Variants in DAZAP2 observed in about 807,000 individuals in gnomAD.
DAZAP2 encodes the protein DAZ associated protein 2.
In DAZAP2, 3 loss-of-function variants were observed where a neutral mutation model predicts 16.2. The observed-to-expected ratio is 0.19, with a 90% confidence interval of 0.08 to 0.48. DAZAP2 has a LOEUF of 0.48. DAZAP2 is among the 20% of genes least tolerant of loss of function. DAZAP2 has a pLI of 0.98. For synonymous variants in DAZAP2, 69 were observed against 77.6 expected (o/e 0.89, Z 0.58); for missense variants, 172 against 215.9 (o/e 0.80, Z 1.27).
rs1021057804 is a variant in DAZAP2, at chr12:51,238,834, A to C, written c.-74A>C. On this transcript the variant is annotated 5_prime_UTR_variant, in exon 1 of 4. Transcript: ENST00000412716. ...CGGACGGACCATCATGTGACACGGA[A>C]GTAGCTCCGAACAGGAAGAGGACGA... 3 of 1,609,912 alleles carry C rather than the reference A, an allele frequency of 1.9e-6. No individual in the cohort carries two copies. The highest frequency in any genetic ancestry group is 2.5e-6 in the Non-Finnish European group (3 of 1,178,924).
rs765575401 is a variant in DAZAP2, at chr12:51,240,347, A to G, written c.18A>G (p.Gln6=). The G allele has an allele frequency of 3.4e-5, 55 of 1,613,492 alleles. No individual in the cohort carries two copies. The highest frequency in any genetic ancestry group is 4.4e-5 in the Non-Finnish European group (52 of 1,179,668). Residue 6 remains glutamine, a synonymous_variant, in exon 2 of 4, where the codon CAA becomes CAG. Coordinates refer to ENST00000412716, the MANE Select transcript of DAZAP2 (RefSeq NM_014764.4). The stretch of plus-strand genomic sequence containing the variant: ...CATTTTTTTCTTGTCTTTCAGGTCA[A>G]TATCCAACACAGCCAACCTACCCTG... The part of the protein sequence containing the change: MNSKG[Q]YPTQPTYPVQ...
In DAZAP2 at chr12:51,242,599, A is replaced by G. The variant is rs1944697468; in HGVS notation, c.*141A>G. 6.3e-7 allele frequency: 1 copy of G among 1,593,814 alleles called. No homozygotes were observed. The highest frequency in any genetic ancestry group is 8.5e-7 in the Non-Finnish European group (1 of 1,169,920). ...GTGTCTTTCTGGTGCCCAAACTTTC[A>G]GGCACTTTTCAAATTTAATAAGGAA... On this transcript the variant is annotated 3_prime_UTR_variant, in exon 4 of 4. Coordinates refer to ENST00000412716, the MANE Select transcript of DAZAP2 (RefSeq NM_014764.4).
downstream of DAZAP2, chr12:51,246,622 G>GTGTA: frequency 5.2e-6 from 3 of 574,418 alleles, no homozygotes; most frequent in South Asian, 2.6e-5. Context: ...GTGTGTGTGT[G>GTGTA]TGTGTGTGTG....
In DAZAP2 at chr12:51,243,115, C is replaced by A; in HGVS notation, c.*657C>A. On this transcript the variant is annotated 3_prime_UTR_variant, in exon 4 of 4. Coordinates refer to ENST00000412716, the MANE Select transcript of DAZAP2 (RefSeq NM_014764.4). ...TGAAACCCTCTCTGTGCCCCAAGTA[C>A]AGATGCCATTACTTCTGCTTTCGTA... 1.0e-6 allele frequency: 1 copy of A among 987,360 alleles called. No homozygotes were observed. Among genetic ancestry groups the A allele is most frequent in the Non-Finnish European group, 1.2e-6 (1 of 831,194 alleles). 61.2% of individuals were successfully genotyped at this position (987,360 alleles called of 1,614,324 possible). A position where few individuals can be genotyped will look rare whatever the true frequency, so the allele number is the denominator to read the frequency against.
chr12:51,241,765 A>G (rs1944681831), intron 3 of DAZAP2, among the ~76,000 whole-genome samples: 1 of 152,060 alleles, frequency 6.6e-6, no homozygotes, highest in Non-Finnish European at 1.5e-5. Context: ...TACTATAAAT[A>G]CAAAAATTAG....
At chr12:51,240,510 G>A (rs776631303) in intron 2 of DAZAP2, 49 bp downstream of exon 2, 2 of 1,452,782 alleles carry the variant, frequency 1.4e-6, no homozygotes, top group Non-Finnish European at 1.9e-6. Flanking sequence ...CTCTTAGGGT[G>A]GTCCTTTAGT....
chr12:51,244,026 T>TTA (rs1944730610), downstream of DAZAP2: 9 of 609,196 alleles, frequency 1.5e-5, no homozygotes, highest in South Asian at 5.8e-4. Context: ...GGACCTAAAC[T>TTA]TAGAAATGAG....
At chr12:51,244,122 C>A (rs1944732230), downstream of DAZAP2, among the ~76,000 whole-genome samples, 1 of 152,190 alleles carries the variant, frequency 6.6e-6, no homozygotes, top group South Asian at 2.1e-4. Context: ...TGAGGATGAC[C>A]TTTAGTTTCT....
At chr12:51,246,502 C>A, downstream of DAZAP2, 1 of 446,584 alleles carries the variant, frequency 2.2e-6, no homozygotes, top group Non-Finnish European at 4.0e-6. Flanking sequence ...TCCCTACCCA[C>A]GTACTCAAGT....
chr12:51,246,181 G>A (rs775820631), downstream of DAZAP2: 4 of 1,582,112 alleles, frequency 2.5e-6, no homozygotes, highest in African/African-American at 4.1e-5. Flanking sequence ...AGTAGTTCCT[G>A]GAGTCATCTG....
At chr12:51,241,451 C>T (rs777178535) in intron 3 of DAZAP2, among the ~76,000 whole-genome samples, 1 of 152,148 alleles carries the variant, frequency 6.6e-6, no homozygotes, top group Non-Finnish European at 1.5e-5. Context: ...TTGCCATCAG[C>T]ATGGTGTTGC....
rs369900029 is a variant in DAZAP2, at chr12:51,241,046, C to T, written c.308C>T (p.Thr103Ile). The change falls in exon 3 of 4, where the codon ACA becomes ATA. Residue 103 changes from threonine to isoleucine, a missense_variant. Transcript: ENST00000412716. ...GGTCCCATCTATCCACCTGGCTCCA[C>T]AGTGCTGGTGGAAGGAGGGTATGAT... Reference protein sequence around the residue: ...PVGPIYPPGSTVLVEGGYDAG... With the variant: ...PVGPIYPPGSIVLVEGGYDAG... 2 of 1,614,188 alleles carry T rather than the reference C, an allele frequency of 1.2e-6. No homozygotes were observed. Among genetic ancestry groups the T allele is most frequent in the Non-Finnish European group, 1.7e-6 (2 of 1,180,032 alleles).
rs141475852 is a variant in DAZAP2, at chr12:51,240,214, G to A, written c.14-129G>A. On this transcript the variant is annotated intron_variant, in intron 1 of 3. Transcript: ENST00000412716. Reference sequence around the variant, plus strand: ...CATATTTTCTTAGTTCCAGGAATCAGGCCCTCTGGGGCAGACTATTTGCAA... The same window carrying A: ...CATATTTTCTTAGTTCCAGGAATCAAGCCCTCTGGGGCAGACTATTTGCAA... The A allele has an allele frequency of 5.3e-4, 379 of 720,804 alleles. 2 individuals are homozygous for A. In the African/African-American group the frequency reaches 6.1e-3, roughly 12 times the overall value. 44.7% of individuals were successfully genotyped at this position (720,804 alleles called of 1,614,324 possible).
At chr12:51,240,528 T>C in intron 2 of DAZAP2, 67 bp downstream of exon 2, 1 of 1,291,222 alleles carries the variant, frequency 7.7e-7, no homozygotes, top group Non-Finnish European at 1.1e-6. Context: ...AGTCCTTAGC[T>C]AAATCTGACT....
downstream of DAZAP2, chr12:51,245,854 C>G: frequency 6.9e-7 from 1 of 1,457,968 alleles, no homozygotes; most frequent in South Asian, 1.3e-5. Flanking sequence ...AATGCTTCTC[C>G]CTGGCTTCAG....
downstream of DAZAP2, chr12:51,243,939 G>C: frequency 1.0e-6 from 1 of 981,476 alleles, no homozygotes; most frequent in Non-Finnish European, 1.2e-6. Context: ...CCTAAGACTT[G>C]ATCATTTCAT....
chr12:51,242,046 C>T (rs1944687115), intron 3 of DAZAP2, among the ~76,000 whole-genome samples: 2 of 152,272 alleles, frequency 1.3e-5, no homozygotes, highest in African/African-American at 2.4e-5. Flanking sequence ...TCTCTACCCT[C>T]AAAATGACTG....
chr12:51,239,872 G>A, intron 1 of DAZAP2: 1 of 163,698 alleles, frequency 6.1e-6, no homozygotes, highest in Non-Finnish European at 1.3e-5. Flanking sequence ...CCAGTCTCAC[G>A]GTTCACTTCC....
chr12:51,245,134 G>C (rs1334832786), downstream of DAZAP2: 1 of 152,040 alleles, frequency 6.6e-6, no homozygotes, highest in Non-Finnish European at 1.5e-5. Context: ...GCCCTCCCAG[G>C]GTATGTTTCT....
Sources: allele counts gnomAD v4.1 joint callset (sites outside exome capture counted in the v4.1 genomes callset), GRCh38; gene constraint gnomAD v4.1.1; transcripts MANE v1.5; gene names NCBI Gene and HGNC (gene_info 2026-07-23, HGNC 2026-07-21).